The following PRRX2 variants were observed in gnomAD, a reference collection of about 807,000 sequenced individuals.
PRRX2 encodes the protein paired mesoderm homeobox protein 2.
Under a neutral mutation model 18.0 loss-of-function variants are expected in PRRX2, and 11 were observed. The observed-to-expected ratio is 0.61, with a 90% CI of 0.39 to 1.01. The LOEUF is 1.01. Among genes scored for constraint, PRRX2 ranks in the 50% least tolerant of loss-of-function variants. PRRX2 has a pLI of 0.01. For missense variants in PRRX2, 387 were observed against 351.0 expected (o/e 1.10, Z -0.82); for synonymous variants, 177 against 154.8 (o/e 1.14, Z -1.06).
rs937875891 is a variant in PRRX2 at position 129,691,196 on chromosome 9, G to A, written c.259+25070G>A. 2.7e-5 allele frequency among the ~76,000 whole-genome samples: 4 copies of A among 150,062 alleles called. No homozygotes were observed. The South Asian group carries it at 8.5e-4, about 32-fold the overall frequency. On this transcript the variant is annotated intron_variant, in intron 1 of 3. Transcript: ENST00000372469. ...AAAAAAAAAAAAAAAAATTAGACAC[G>A]CGTCATGGCGGGAACCTGTAATCCC...
At chr9:129,676,105 C>T (rs1832160180) in intron 1 of PRRX2, among the ~76,000 whole-genome samples, 1 of 152,190 alleles carries the variant, frequency 6.6e-6, no homozygotes, top group African/African-American at 2.4e-5. Flanking sequence ...GGTCTGCACC[C>T]TCTGGGACCT....
At chr9:129,717,708 AAAAAAAGAAAAAG>A (rs1301405178) in intron 1 of PRRX2, among the ~76,000 whole-genome samples, 1 of 151,562 alleles carries the variant, frequency 6.6e-6, no homozygotes, top group Non-Finnish European at 1.5e-5. Flanking sequence ...AAAAAAAAAA[AAAAAAAGAAAAAG>A]AAAAAAGAAA....
At chr9:129,714,834 G>T (rs901428802) in intron 1 of PRRX2, among the ~76,000 whole-genome samples, 2 of 152,182 alleles carry the variant, frequency 1.3e-5, no homozygotes, top group East Asian at 3.8e-4. Context: ...TGCCTCCTGT[G>T]TTGGGTGTGT....
intron 1 of PRRX2, among the ~76,000 whole-genome samples, chr9:129,698,196 GAGCAGTGGAGCTGGGAGCTCCC>G (rs1315022342): frequency 2.0e-5 from 3 of 149,390 alleles, no homozygotes; most frequent in Non-Finnish European, 3.0e-5. Context: ...CCTATAAAGT[GAGCAGTGGAGCTGGGAGCTCCC>G]AGCAGGGGAG....
chr9:129,684,460 C>CACA (rs1415884580), intron 1 of PRRX2, among the ~76,000 whole-genome samples: 5,271 of 125,130 alleles, frequency 0.042, 326 homozygotes, highest in East Asian at 0.31. Flanking sequence ...ACACACACAC[C>CACA]CAACAGAAAA....
At chr9:129,700,622 GTTA>G (rs1832482209) in intron 1 of PRRX2, among the ~76,000 whole-genome samples, 2 of 150,340 alleles carry the variant, frequency 1.3e-5, no homozygotes, top group African/African-American at 4.9e-5. Context: ...ACACCTGGCC[GTTA>G]TTGTTGTTTT....
chr9:129,695,461 A>C lies in PRRX2; in HGVS notation c.260-23770A>C, dbSNP rs993795094. On this transcript the variant is annotated intron_variant, in intron 1 of 3. Transcript: ENST00000372469. This position sits in a 1 kb window ranked among gnomAD's most constrained non-coding sequence, Gnocchi z 4.8. ...CTCTTGCTCTGGGCTTTACTTGACC[A>C]ATGTGCTTCTTTGGTTTGGTTTTTA... Among the ~76,000 whole-genome samples the C allele has an allele frequency of 6.6e-6, 1 of 152,136 alleles. No individual in the cohort carries two copies. The highest frequency in any genetic ancestry group is 1.5e-5 in the Non-Finnish European group (1 of 68,022).
intron 1 of PRRX2, among the ~76,000 whole-genome samples, chr9:129,684,427 A>AACACACAC (rs72324782): frequency 1.2e-3 from 99 of 83,008 alleles, no homozygotes; most frequent in African/African-American, 4.4e-3. Flanking sequence ...ACACAGATAC[A>AACACACAC]ACACACACAC....
intron 1 of PRRX2, among the ~76,000 whole-genome samples, chr9:129,668,873 G>A (rs1277891275): frequency 2.6e-5 from 4 of 151,840 alleles, no homozygotes; most frequent in African/African-American, 7.3e-5. Context: ...GGTTAGCCAG[G>A]TGCAGTGGCT....
intron 1 of PRRX2, among the ~76,000 whole-genome samples, chr9:129,667,042 G>A (rs1386823696): frequency 1.3e-5 from 2 of 152,300 alleles, no homozygotes; most frequent in African/African-American, 2.4e-5. Context: ...TGGTGGCTGC[G>A]TTCCTTGGCT....
At chr9:129,700,173 C>T (rs1371014312) in intron 1 of PRRX2, among the ~76,000 whole-genome samples, 1 of 152,194 alleles carries the variant, frequency 6.6e-6, no homozygotes, top group Admixed American at 6.5e-5. Flanking sequence ...GGAGGAAGAT[C>T]TTGTTATCCC....
chr9:129,680,283 C>G (rs1832209834), intron 1 of PRRX2, among the ~76,000 whole-genome samples: 1 of 151,644 alleles, frequency 6.6e-6, no homozygotes, highest in African/African-American at 2.4e-5. Context: ...CACCTGTAAT[C>G]CCAACTACTC....
intron 1 of PRRX2, among the ~76,000 whole-genome samples, chr9:129,698,558 G>C (rs1343702316): frequency 6.6e-6 from 1 of 152,242 alleles, no homozygotes; most frequent in African/African-American, 2.4e-5. Context: ...TGCTGGGTAG[G>C]GTGGGGGTGT....
chr9:129,721,913 C>A lies in PRRX2; in HGVS notation c.627-304C>A, dbSNP rs557730630. ...GCATCCTTAAATCCAGGTGCCTGTT[C>A]ATTCTGCCTCCATCCTGCTGAGAGC... On this transcript the variant is annotated intron_variant, in intron 3 of 3. Transcript: ENST00000372469. 2.4e-4 allele frequency among the ~76,000 whole-genome samples: 37 copies of A among 152,252 alleles called. 1 individual carries two copies. Among genetic ancestry groups the A allele is most frequent in the African/African-American group, 8.2e-4 (34 of 41,566 alleles).
chr9:129,681,182 C>T (rs1832224623), intron 1 of PRRX2, among the ~76,000 whole-genome samples: 1 of 152,196 alleles, frequency 6.6e-6, no homozygotes, highest in South Asian at 2.1e-4. Context: ...TCAGTGCTGG[C>T]TCCTTTTCTG....
At chr9:129,673,090 C>A (rs1377436146) in intron 1 of PRRX2, among the ~76,000 whole-genome samples, 6 of 152,206 alleles carry the variant, frequency 3.9e-5, no homozygotes, top group African/African-American at 1.2e-4. Flanking sequence ...GCCATTTACT[C>A]ACAGCCCTAT....
intron 1 of PRRX2, among the ~76,000 whole-genome samples, chr9:129,679,387 G>A (rs998032837): frequency 6.6e-6 from 1 of 152,078 alleles, no homozygotes; most frequent in Non-Finnish European, 1.5e-5. Flanking sequence ...ATCATCGTCG[G>A]CCCCATGATC....
chr9:129,702,977 G>A (rs1832515619), intron 1 of PRRX2, among the ~76,000 whole-genome samples: 1 of 152,250 alleles, frequency 6.6e-6, no homozygotes, highest in Non-Finnish European at 1.5e-5. Flanking sequence ...GCCCTTCAAA[G>A]TGTAAACACA....
At chr9:129,712,222 T>C (rs1405490757) in intron 1 of PRRX2, among the ~76,000 whole-genome samples, 1 of 152,184 alleles carries the variant, frequency 6.6e-6, no homozygotes, top group Non-Finnish European at 1.5e-5. Flanking sequence ...GGGCTGCTTA[T>C]TTGCTCAGAA....
Sources: allele counts gnomAD v4.1 joint callset (sites outside exome capture counted in the v4.1 genomes callset), GRCh38; gene constraint gnomAD v4.1.1; non-coding constraint Gnocchi (gnomAD v3.1); transcripts MANE v1.5; gene names NCBI Gene and HGNC (gene_info 2026-07-23, HGNC 2026-07-21).